GRIN2A: variants seen among roughly 807,000 people sequenced by gnomAD.
The protein encoded by GRIN2A is glutamate receptor ionotropic, NMDA 2A.
A neutral mutation model predicts 113.4 loss-of-function variants in GRIN2A; 22 were observed. The observed-to-expected ratio is 0.19, with a 90% CI of 0.14 to 0.28. The LOEUF is 0.28. Among genes scored for constraint, GRIN2A ranks in the 10% least tolerant of loss-of-function variants. The pLI, the probability that GRIN2A is intolerant of heterozygous loss-of-function variation, is 1.00. For missense variants in GRIN2A, 1,502 were observed against 1,887.0 expected, an observed-to-expected ratio of 0.80 and a Z score of 3.78; for synonymous variants, 827 against 738.4, an observed-to-expected ratio of 1.12 and a Z score of -1.94.
At chr16:10,115,231 T>A (rs373752188) in intron 2 of GRIN2A, among the ~76,000 whole-genome samples, 1 of 150,584 alleles carries the variant, frequency 6.6e-6, no homozygotes, top group African/African-American at 2.4e-5. Context: ...TGATCTAAGT[T>A]TTTTTTTTTC....
At chr16:10,078,861 G>A (rs2352742) in intron 2 of GRIN2A, among the ~76,000 whole-genome samples, 71,921 of 151,922 alleles carry the variant, frequency 0.47, 18,019 homozygotes, top group East Asian at 0.91. Context: ...TGACTGACTG[G>A]CTGACTGACT....
intron 2 of GRIN2A, among the ~76,000 whole-genome samples, chr16:10,096,285 C>A (rs2048287188): frequency 6.6e-6 from 1 of 152,062 alleles, no homozygotes; most frequent in South Asian, 2.1e-4. Context: ...CCTGTGGGTA[C>A]CAAAGTAAAT....
intron 2 of GRIN2A, among the ~76,000 whole-genome samples, chr16:10,029,527 A>G (rs1296099817): frequency 6.6e-6 from 1 of 152,242 alleles, no homozygotes; most frequent in East Asian, 1.9e-4. Flanking sequence ...TAAAAAAAAG[A>G]ACAAGAATGC....
chr16:9,890,702 G>T (rs2043675809), intron 4 of GRIN2A, among the ~76,000 whole-genome samples: 1 of 152,154 alleles, frequency 6.6e-6, no homozygotes, highest in African/African-American at 2.4e-5. Context: ...CTGCAACCCA[G>T]ACTTCACTGT....
chr16:9,884,268 G>A (rs2043545749), intron 4 of GRIN2A, among the ~76,000 whole-genome samples: 1 of 152,164 alleles, frequency 6.6e-6, no homozygotes, highest in Non-Finnish European at 1.5e-5. Flanking sequence ...CTATTGTAAG[G>A]CCAGGCGCAG....
intron 10 of GRIN2A, among the ~76,000 whole-genome samples, chr16:9,812,222 A>T (rs1170956462): frequency 6.6e-6 from 1 of 152,176 alleles, no homozygotes; most frequent in African/African-American, 2.4e-5. Flanking sequence ...GTGGATGAAA[A>T]TCTTGATGGT....
chr16:9,927,368 A>C (rs560183571), intron 3 of GRIN2A, among the ~76,000 whole-genome samples: 26 of 152,290 alleles, frequency 1.7e-4, no homozygotes, highest in Admixed American at 4.6e-4. Context: ...AGATGGGTAC[A>C]TGACCTAATT....
chr16:10,146,808 C>T (rs1032133864), intron 2 of GRIN2A, among the ~76,000 whole-genome samples: 1 of 151,872 alleles, frequency 6.6e-6, no homozygotes, highest in African/African-American at 2.4e-5. Flanking sequence ...TGTCCACTTG[C>T]TTTTGGAGAA....
At chr16:10,075,662 C>A (rs1046421083) in intron 2 of GRIN2A, among the ~76,000 whole-genome samples, 6 of 152,256 alleles carry the variant, frequency 3.9e-5, no homozygotes, top group Admixed American at 1.3e-4. Context: ...AGGACAGTCA[C>A]CCTACAGGGC....
chr16:10,048,878 G>C (rs540585950), intron 2 of GRIN2A, among the ~76,000 whole-genome samples: 96 of 152,272 alleles, frequency 6.3e-4, no homozygotes, highest in Non-Finnish European at 1.0e-3. Context: ...GCTGGGATCA[G>C]TGCAAGCTCC....
intron 2 of GRIN2A, among the ~76,000 whole-genome samples, chr16:9,999,339 G>C (rs959215482): frequency 1.3e-5 from 2 of 152,134 alleles, no homozygotes; most frequent in African/African-American, 4.8e-5. Context: ...GGATTGATAA[G>C]AATCAAGCTG....
intron 2 of GRIN2A, among the ~76,000 whole-genome samples, chr16:10,099,082 G>A (rs376117454): frequency 7.9e-5 from 12 of 152,268 alleles, no homozygotes; most frequent in East Asian, 7.7e-4. Context: ...TCATCTAGAG[G>A]AATTTAGATC....
chr16:9,894,700 T>C (rs1189270884), intron 3 of GRIN2A, among the ~76,000 whole-genome samples: 4 of 152,234 alleles, frequency 2.6e-5, no homozygotes, highest in Non-Finnish European at 1.5e-5. Flanking sequence ...GCTGACATTT[T>C]GGTTCCATTT....
rs2141133766 is a variant in GRIN2A, at chr16:9,764,248, C to T, written c.3296G>A (p.Ser1099Asn). 1.9e-6 allele frequency: 3 copies of T among 1,614,018 alleles called. No individual in the cohort carries two copies. The highest frequency in any genetic ancestry group is 2.5e-6 in the Non-Finnish European group (3 of 1,179,976). ...SVASKYPKDC[S>N]EVERTYLKTK... Reference sequence around the variant, plus strand: ...TTTCAGGTAGGTGCGCTCGACCTCACTACAGTCCTTGGGGTATTTGGAGGC... The same window carrying T: ...TTTCAGGTAGGTGCGCTCGACCTCATTACAGTCCTTGGGGTATTTGGAGGC... The change falls in exon 13 of 13, where the codon AGT (serine) becomes AAT (asparagine). Residue 1099 changes from serine (S) to asparagine (N), a missense_variant. By Grantham distance (46) the Ser-to-Asn change is conservative. Around this residue, in one of 7 missense-constraint regions of GRIN2A, gnomAD observed 832 missense variants for 789.7 expected, o/e 1.05. Coordinates refer to ENST00000330684, the MANE Select transcript of GRIN2A (RefSeq NM_001134407.3).
chr16:10,040,884 T>A (rs540985042), intron 2 of GRIN2A, among the ~76,000 whole-genome samples: 1 of 152,358 alleles, frequency 6.6e-6, no homozygotes, highest in Non-Finnish European at 1.5e-5. Context: ...GTCGTATCTA[T>A]GCTCTGCGAA....
intron 11 of GRIN2A, among the ~76,000 whole-genome samples, chr16:9,774,587 T>A (rs1236369438): frequency 6.6e-6 from 1 of 152,214 alleles, no homozygotes; most frequent in Admixed American, 6.5e-5. Context: ...TACTAGAGTT[T>A]AAAAAAATTA....
chr16:9,790,306 C>G (rs1902528999), intron 11 of GRIN2A, among the ~76,000 whole-genome samples: 1 of 152,136 alleles, frequency 6.6e-6, no homozygotes. Context: ...TATAATTTGT[C>G]TAGGAGGCAG....
intron 2 of GRIN2A, among the ~76,000 whole-genome samples, chr16:10,117,605 A>C (rs2048751073): frequency 6.6e-6 from 1 of 152,210 alleles, no homozygotes; most frequent in African/African-American, 2.4e-5. Context: ...CCAGATAACC[A>C]TCCCCGAACT....
chr16:10,149,528 G>A (rs1165231110), intron 2 of GRIN2A, among the ~76,000 whole-genome samples: 4 of 152,122 alleles, frequency 2.6e-5, no homozygotes, highest in Non-Finnish European at 4.4e-5. Flanking sequence ...AAAGCCCTAA[G>A]AATCATTCTT....
Sources: allele counts gnomAD v4.1 joint callset (sites outside exome capture counted in the v4.1 genomes callset), GRCh38; gene constraint gnomAD v4.1.1; regional missense constraint gnomAD v4.1.1; transcripts MANE v1.5; gene names NCBI Gene and HGNC (gene_info 2026-07-23, HGNC 2026-07-21).